The following SV2C variants were observed in gnomAD, a reference collection of about 807,000 sequenced individuals.
The protein encoded by SV2C is synaptic vesicle glycoprotein 2C.
Under a neutral mutation model 79.7 loss-of-function variants are expected in SV2C, and 49 were observed. That is an observed-to-expected ratio of 0.61 (90% CI 0.49 to 0.78). SV2C has a LOEUF of 0.78. Ranked by LOEUF, SV2C falls within the 30% of genes least tolerant of loss-of-function variation. SV2C has a pLI of 0.00. For missense variants in SV2C, 833 were observed against 912.9 expected (o/e 0.91, Z 1.13); for synonymous variants, 334 against 333.2 (o/e 1.00, Z -0.03).
At chr5:76,104,881 C>A (rs1747857764) in intron 1 of SV2C, among the ~76,000 whole-genome samples, 1 of 152,172 alleles carries the variant, frequency 6.6e-6, no homozygotes. Context: ...AGAAAAACTT[C>A]TTCACCCCAG....
At chr5:75,913,895 G>T in the SV2C span, among the ~76,000 whole-genome samples, 1 of 151,950 alleles carries the variant, frequency 6.6e-6, no homozygotes, top group Non-Finnish European at 1.5e-5. Flanking sequence ...AACCAGGGAA[G>T]AAATATTTTT....
intron 2 of SV2C, among the ~76,000 whole-genome samples, chr5:76,132,547 A>T (rs746410751): frequency 6.6e-6 from 1 of 152,224 alleles, no homozygotes; most frequent in African/African-American, 2.4e-5. Flanking sequence ...AACATTTACT[A>T]TATTTTCTTT....
the SV2C span, among the ~76,000 whole-genome samples, chr5:75,967,745 G>A: frequency 6.6e-6 from 1 of 152,246 alleles, no homozygotes; most frequent in Non-Finnish European, 1.5e-5. Context: ...ACCTCTGGGG[G>A]CAGGGCACAG....
chr5:76,337,124 G>C (rs1749345543), downstream of SV2C, among the ~76,000 whole-genome samples: 1 of 152,010 alleles, frequency 6.6e-6, no homozygotes, highest in Admixed American at 6.6e-5. Flanking sequence ...CCACAGACTG[G>C]GTGGCTTAAG....
chr5:76,335,509 G>A (rs1287425620), downstream of SV2C, among the ~76,000 whole-genome samples: 1 of 150,230 alleles, frequency 6.7e-6, no homozygotes, highest in Non-Finnish European at 1.5e-5. Context: ...GTGGAGGGAA[G>A]GTCAGCAGAT....
intron 1 of SV2C, among the ~76,000 whole-genome samples, chr5:76,094,964 T>C (rs1747503270): frequency 1.3e-5 from 2 of 152,082 alleles, no homozygotes; most frequent in African/African-American, 4.8e-5. Flanking sequence ...CCAATTTTTC[T>C]CTTTTTTTTC....
rs141561973 is a variant in SV2C, at chr5:76,240,048, C to T, written c.913+30161C>T. ...TTCCTTTCTTATGCTTTTTATTCTGCACCATTCATCAAATATTGTGCCCTT... is the reference window on the plus strand; with the variant it reads ...TTCCTTTCTTATGCTTTTTATTCTGTACCATTCATCAAATATTGTGCCCTT... On this transcript the variant is annotated intron_variant, in intron 4 of 12. Coordinates refer to ENST00000502798, the MANE Select transcript of SV2C (RefSeq NM_014979.4). 2.0e-3 allele frequency among the ~76,000 whole-genome samples: 304 copies of T among 152,310 alleles called. 1 individual carries two copies. The highest frequency in any genetic ancestry group is 6.9e-3 in the African/African-American group (285 of 41,578).
the SV2C span, among the ~76,000 whole-genome samples, chr5:76,050,862 A>G: frequency 3.3e-5 from 5 of 152,220 alleles, no homozygotes; most frequent in African/African-American, 1.2e-4. Flanking sequence ...TTTATCAAAT[A>G]TAGATAAGTT....
intron 4 of SV2C, among the ~76,000 whole-genome samples, chr5:76,277,359 G>C (rs1189540542): frequency 6.6e-6 from 1 of 152,202 alleles, no homozygotes; most frequent in Non-Finnish European, 1.5e-5. Flanking sequence ...CCTTCAACTG[G>C]TGAGTGGATA....
chr5:75,883,861 A>G, the SV2C span, among the ~76,000 whole-genome samples: 425 of 152,120 alleles, frequency 2.8e-3, 8 homozygotes, highest in East Asian at 0.034. Flanking sequence ...AAAACAAAAA[A>G]AAAACATTTC....
At chr5:75,948,803 G>GAGAT in the SV2C span, among the ~76,000 whole-genome samples, 1 of 151,978 alleles carries the variant, frequency 6.6e-6, no homozygotes, top group African/African-American at 2.4e-5. Context: ...GGGCTGTGGG[G>GAGAT]AGATAGGAAA....
chr5:76,243,443 G>A (rs1745857004), intron 4 of SV2C, among the ~76,000 whole-genome samples: 2 of 152,162 alleles, frequency 1.3e-5, no homozygotes, highest in African/African-American at 4.8e-5. Context: ...CAGTCCACAT[G>A]AGCATCTTCT....
chr5:75,954,949 C>T, the SV2C span, among the ~76,000 whole-genome samples: 13,155 of 144,958 alleles, frequency 0.091, 1,336 homozygotes, highest in African/African-American at 0.31. Context: ...GAATCAATAT[C>T]GTGAAAATGG....
At chr5:76,098,167 T>A (rs1032125031) in intron 1 of SV2C, among the ~76,000 whole-genome samples, 5 of 152,158 alleles carry the variant, frequency 3.3e-5, no homozygotes, top group Non-Finnish European at 7.4e-5. Context: ...TACTATTTTT[T>A]AAATTCTGTT....
At position 76,325,770 on chromosome 5, in the gene SV2C, C is replaced by A; in HGVS notation, c.*223C>A. The A allele has an allele frequency of 1.8e-6, 1 of 562,326 alleles. No individual in the cohort carries two copies. Among genetic ancestry groups the A allele is most frequent in the Middle Eastern group, 5.1e-4 (1 of 1,978 alleles). The allele number at this position is 562,326 out of a possible 1,614,324, so 34.8% of individuals were successfully genotyped here. ...TTGTTTGAATGCATTGTTATCTTTC[C>A]AAACTGTGATGCTACTGCCTCCCGC... On this transcript the variant is annotated 3_prime_UTR_variant, in exon 13 of 13. Transcript: ENST00000502798.
At chr5:75,855,684 G>T in the SV2C span, among the ~76,000 whole-genome samples, 1 of 152,042 alleles carries the variant, frequency 6.6e-6, no homozygotes, top group African/African-American at 2.4e-5. Context: ...TACATAGTAG[G>T]TGTATGTATT....
chr5:76,192,570 C>T (rs17651281), intron 2 of SV2C, among the ~76,000 whole-genome samples: 5,032 of 152,260 alleles, frequency 0.033, 95 homozygotes, highest in South Asian at 0.066. Context: ...TGAATGCAAA[C>T]AGGGAAGGAA....
chr5:76,088,617 C>T (rs30202), intron 1 of SV2C, among the ~76,000 whole-genome samples: 80,695 of 151,976 alleles, frequency 0.53, 22,094 homozygotes, highest in East Asian at 0.72. Context: ...TACTATCACA[C>T]TGGGGAGTAA....
intron 12 of SV2C, among the ~76,000 whole-genome samples, chr5:76,314,918 G>A (rs1343076890): frequency 6.6e-6 from 1 of 152,154 alleles, no homozygotes; most frequent in East Asian, 1.9e-4. Flanking sequence ...CCTGGCCCAG[G>A]CCCTCACTCC....
Sources: allele counts gnomAD v4.1 joint callset (sites outside exome capture counted in the v4.1 genomes callset), GRCh38; gene constraint gnomAD v4.1.1; transcripts MANE v1.5; gene names NCBI Gene and HGNC (gene_info 2026-07-23, HGNC 2026-07-21).